Variants in MECOM observed in about 807,000 individuals in gnomAD.
MECOM encodes the protein MDS1 and EVI1 complex locus.
In MECOM, 13 loss-of-function variants were observed where a neutral mutation model predicts 116.3. That is an observed-to-expected ratio of 0.11 (90% CI 0.07 to 0.18). The LOEUF is 0.18. Ranked by LOEUF, MECOM falls within the 10% of genes least tolerant of loss-of-function variation. The pLI is 1.00. For missense variants in MECOM, 1,299 were observed against 1,509.0 expected, an observed-to-expected ratio of 0.86 and a Z score of 2.31; for synonymous variants, 528 against 535.2, an observed-to-expected ratio of 0.99 and a Z score of 0.19.
chr3:169,566,128 T>G, intron 1 of MECOM: 1 of 289,882 alleles, frequency 3.4e-6, no homozygotes, highest in South Asian at 2.7e-5. Context: ...ACTCACTCAC[T>G]ATCACAAGAA....
rs750246224 is a variant in MECOM at position 169,102,223 on chromosome 3, A to G, written c.2608T>C (p.Ser870Pro). The change falls in exon 11 of 17, where the codon TCA becomes CCA. Residue 870 changes from serine (S) to proline (P), a missense_variant. Transcript: ENST00000651503. The stretch of plus-strand genomic sequence containing the variant: ...TTTTCTGCCATGTTTTCAATAGCTG[A>G]CATCTGAAAGGTAAAAGCACAAGAC... Reference protein sequence around the residue: ...FQLPDQRTWMSAIENMAEKLE... With the variant: ...FQLPDQRTWMPAIENMAEKLE... 14 of 1,612,032 alleles carry G rather than the reference A, an allele frequency of 8.7e-6. No individual in the cohort carries two copies. The highest frequency in any genetic ancestry group is 1.3e-5 in the African/African-American group (1 of 74,872).
chr3:169,412,774 C>T (rs2108460831), intron 1 of MECOM, among the ~76,000 whole-genome samples: 1 of 152,168 alleles, frequency 6.6e-6, no homozygotes, highest in Admixed American at 6.5e-5. Flanking sequence ...ATAAGAACAT[C>T]ACTAATTTTC....
intron 2 of MECOM, among the ~76,000 whole-genome samples, chr3:169,209,731 T>C (rs1316704203): frequency 2.0e-5 from 3 of 152,148 alleles, no homozygotes; most frequent in African/African-American, 4.8e-5. Context: ...TGTGGGGCAA[T>C]AGGAATGCTT....
At chr3:169,439,071 A>T (rs897733382) in intron 1 of MECOM, among the ~76,000 whole-genome samples, 3 of 148,854 alleles carry the variant, frequency 2.0e-5, no homozygotes, top group African/African-American at 5.0e-5. Context: ...GATATTTAAA[A>T]ATATATATAA....
intron 1 of MECOM, among the ~76,000 whole-genome samples, chr3:169,504,150 A>AGTGTGTGTGTGTGTGTGTGTGT (rs3044764): frequency 7.5e-6 from 1 of 132,670 alleles, no homozygotes; most frequent in African/African-American, 2.7e-5. Context: ...GAAAAAGAGA[A>AGTGTGTGTGTGTGTGTGTGTGT]GTGTGTGTGT....
chr3:169,592,627 A>C (rs1766564327), intron 1 of MECOM, among the ~76,000 whole-genome samples: 1 of 152,096 alleles, frequency 6.6e-6, no homozygotes, highest in Admixed American at 6.6e-5. Flanking sequence ...GAAATTCTAG[A>C]ATTCTTTCCA....
At chr3:169,427,446 G>A (rs1474421630) in intron 1 of MECOM, among the ~76,000 whole-genome samples, 2 of 152,118 alleles carry the variant, frequency 1.3e-5, no homozygotes, top group South Asian at 4.1e-4. Flanking sequence ...AAAATAAAAG[G>A]AAACCTCTTC....
intron 1 of MECOM, among the ~76,000 whole-genome samples, chr3:169,392,715 C>G (rs1734411707): frequency 1.3e-5 from 2 of 152,094 alleles, no homozygotes; most frequent in South Asian, 4.1e-4. Flanking sequence ...ATAAGTAATT[C>G]TGCAATTGGG....
At position 169,473,492 on chromosome 3, in the gene MECOM, A is replaced by G. The variant is rs1002910294; in HGVS notation, c.38-91968T>C. ...AATATGTTTAAACACCAGATACGGC[A>G]GGGCGTGGTGGCTCATGCCTGTAAT... On this transcript the variant is annotated intron_variant, in intron 1 of 16. Coordinates refer to ENST00000651503, the MANE Select transcript of MECOM (RefSeq NM_004991.4). 8.5e-5 allele frequency among the ~76,000 whole-genome samples: 13 copies of G among 152,242 alleles called. No homozygotes were observed. In the East Asian group the frequency reaches 2.5e-3, roughly 29 times the overall value.
At chr3:169,180,686 C>A (rs531654263) in intron 2 of MECOM, among the ~76,000 whole-genome samples, 12 of 151,054 alleles carry the variant, frequency 7.9e-5, no homozygotes, top group Non-Finnish European at 1.8e-4. Flanking sequence ...CCTTCTGATT[C>A]ATTTTGACCA....
intron 2 of MECOM, among the ~76,000 whole-genome samples, chr3:169,191,760 AAGAAAGAAAG>A (rs1183255663): frequency 3.1e-5 from 4 of 129,254 alleles, no homozygotes; most frequent in Admixed American, 8.1e-5. Flanking sequence ...GAAAGAAAGA[AAGAAAGAAAG>A]AAAGAAAGAA....
At chr3:169,388,711 T>A (rs1733769913) in intron 1 of MECOM, among the ~76,000 whole-genome samples, 2 of 152,182 alleles carry the variant, frequency 1.3e-5, no homozygotes, top group African/African-American at 4.8e-5. Flanking sequence ...ATGGAGTGTT[T>A]GGACACTGGA....
intron 1 of MECOM, among the ~76,000 whole-genome samples, chr3:169,629,560 C>T (rs1771821984): frequency 6.6e-6 from 1 of 152,132 alleles, no homozygotes; most frequent in Non-Finnish European, 1.5e-5. Flanking sequence ...AGAGCTCCTG[C>T]TGTTGGAATA....
intron 1 of MECOM, among the ~76,000 whole-genome samples, chr3:169,627,062 T>TA (rs1262998822): frequency 2.6e-5 from 4 of 152,324 alleles, no homozygotes; most frequent in African/African-American, 9.6e-5. Context: ...ATCAATCAAT[T>TA]AATCATTTTA....
intron 2 of MECOM, among the ~76,000 whole-genome samples, chr3:169,337,297 G>A (rs183138356): frequency 6.6e-6 from 1 of 151,994 alleles, no homozygotes; most frequent in Admixed American, 6.6e-5. Context: ...TGCTACTGTA[G>A]GACATTTCTA....
At chr3:169,463,951 T>C (rs1747865937) in intron 1 of MECOM, 2 of 152,154 alleles carry the variant, frequency 1.3e-5, no homozygotes, top group African/African-American at 4.8e-5. Flanking sequence ...AAGGGATATG[T>C]GCCCTTGACT....
chr3:169,283,277 A>G (rs1712531339), intron 2 of MECOM, among the ~76,000 whole-genome samples: 1 of 152,146 alleles, frequency 6.6e-6, no homozygotes. Context: ...CCAAGGCAGA[A>G]TGATCACTTG....
intron 1 of MECOM, among the ~76,000 whole-genome samples, chr3:169,568,562 A>G (rs1470927496): frequency 6.6e-6 from 1 of 152,176 alleles, no homozygotes; most frequent in Non-Finnish European, 1.5e-5. Flanking sequence ...CTGAGGCTGG[A>G]GTAGGAAGTA....
chr3:169,113,496 G>C (rs1474909438), intron 8 of MECOM, among the ~76,000 whole-genome samples: 1 of 151,482 alleles, frequency 6.6e-6, no homozygotes, highest in Non-Finnish European at 1.5e-5. Flanking sequence ...GGATGCCACT[G>C]CTGATAAAGA....
Sources: allele counts gnomAD v4.1 joint callset (sites outside exome capture counted in the v4.1 genomes callset), GRCh38; gene constraint gnomAD v4.1.1; transcripts MANE v1.5; gene names NCBI Gene and HGNC (gene_info 2026-07-23, HGNC 2026-07-21).